CRAMP1: variants seen among roughly 807,000 people sequenced by gnomAD.
CRAMP1 encodes the protein protein cramped-like.
Under a neutral mutation model 115.4 loss-of-function variants are expected in CRAMP1, and 50 were observed. The observed-to-expected ratio is 0.43, with a 90% CI of 0.35 to 0.55. CRAMP1 has a LOEUF of 0.55. Among genes scored for constraint, CRAMP1 ranks in the 20% least tolerant of loss-of-function variants. The pLI, the probability that CRAMP1 is intolerant of heterozygous loss-of-function variation, is 0.01. For synonymous variants in CRAMP1, 866 were observed against 745.4 expected, an observed-to-expected ratio of 1.16 and a Z score of -2.64; for missense variants, 1,679 against 1,721.7, an observed-to-expected ratio of 0.98 and a Z score of 0.44.
At chr16:1,623,036 A>G (rs1396265406) in intron 2 of CRAMP1, among the ~76,000 whole-genome samples, 1 of 151,540 alleles carries the variant, frequency 6.6e-6, no homozygotes, top group Non-Finnish European at 1.5e-5. Context: ...AGCTGTGATT[A>G]CAGGCGCCCA....
chr16:1,651,650 TCACA>T (rs142007655), intron 6 of CRAMP1, among the ~76,000 whole-genome samples: 1 of 137,712 alleles, frequency 7.3e-6, no homozygotes, highest in Admixed American at 7.2e-5. Context: ...TGGATTGAAG[TCACA>T]CAGAGGTAAC....
intron 6 of CRAMP1, chr16:1,647,070 A>G (rs1159703898): frequency 1.4e-6 from 1 of 702,880 alleles, no homozygotes; most frequent in Non-Finnish European, 2.6e-6. Flanking sequence ...GAGATTGGGA[A>G]AATGACTGAG....
chr16:1,624,979 AG>A (rs1029658396), intron 2 of CRAMP1, among the ~76,000 whole-genome samples: 3 of 152,154 alleles, frequency 2.0e-5, no homozygotes, highest in African/African-American at 7.2e-5. Flanking sequence ...CACCCGCCTC[AG>A]CCTCCCAAAG....
At chr16:1,643,882 G>T (rs187846046) in intron 6 of CRAMP1, among the ~76,000 whole-genome samples, 16 of 152,386 alleles carry the variant, frequency 1.0e-4, no homozygotes, top group African/African-American at 2.9e-4. Flanking sequence ...TGCTCCTGCA[G>T]TGGAGGGGCT....
chr16:1,645,750 C>A (rs1041637115), intron 6 of CRAMP1, among the ~76,000 whole-genome samples: 1 of 152,216 alleles, frequency 6.6e-6, no homozygotes, highest in Non-Finnish European at 1.5e-5. Flanking sequence ...TCTAGTCTCC[C>A]GCTCTCTCTA....
chr16:1,644,784 A>G (rs2036659741), intron 6 of CRAMP1, among the ~76,000 whole-genome samples: 1 of 152,160 alleles, frequency 6.6e-6, no homozygotes, highest in African/African-American at 2.4e-5. Context: ...CGTTCTGGGT[A>G]AAACTGTGCC....
chr16:1,656,696 G>C lies in CRAMP1; in HGVS notation c.1939G>C (p.Ala647Pro). The C allele has an allele frequency of 6.4e-7, 1 of 1,560,924 alleles. No individual in the cohort carries two copies. The highest frequency in any genetic ancestry group is 1.4e-5 in the African/African-American group (1 of 73,588). Reference protein sequence around the residue: ...AEELQEKGSPAGPPPSQGQPA... With the variant: ...AEELQEKGSPPGPPPSQGQPA... ...GGAGCTCCAGGAGAAGGGGAGCCCCGCGGGGCCTCCGCCGTCTCAGGGACA... is the reference window on the plus strand; with the variant it reads ...GGAGCTCCAGGAGAAGGGGAGCCCCCCGGGGCCTCCGCCGTCTCAGGGACA... Residue 647 changes from alanine to proline, a missense_variant, in exon 10 of 21, where the codon GCG becomes CCG. Coordinates refer to ENST00000397412, the MANE Select transcript of CRAMP1 (RefSeq NM_020825.4). This position sits in a 1 kb window ranked among gnomAD's most constrained non-coding sequence, Gnocchi z 5.6.
chr16:1,660,451 T>G (rs1414162550), intron 11 of CRAMP1, among the ~76,000 whole-genome samples: 1 of 152,178 alleles, frequency 6.6e-6, no homozygotes, highest in African/African-American at 2.4e-5. Flanking sequence ...TAGAGAATCC[T>G]TCAGTTAGGG....
Position 1,675,957 on chromosome 16 carries a change from C to T in CRAMP1, c.*1912C>T, listed in dbSNP as rs369807956. On this transcript the variant is annotated 3_prime_UTR_variant, in exon 21 of 21. Coordinates refer to ENST00000397412, the MANE Select transcript of CRAMP1 (RefSeq NM_020825.4). ...ATTGAGCCAGAGAAGACAAGGAGAT[C>T]TCCCTCTGGGCATCTGGCTTTGCTG... is the stretch of plus-strand genomic sequence containing the variant. 2 of 152,250 alleles carry T rather than the reference C, an allele frequency of 1.3e-5. No individual in the cohort carries two copies. The highest frequency in any genetic ancestry group is 4.1e-4 in the South Asian group (2 of 4,834). 9.4% of individuals were successfully genotyped at this position (152,250 alleles called of 1,614,324 possible).
rs1463414865 is a variant in CRAMP1 at position 1,675,543 on chromosome 16, GAGA to G, written c.*1501_*1503del. 6.6e-6 allele frequency: 1 copy of G among 152,642 alleles called. No individual in the cohort carries two copies. The highest frequency in any genetic ancestry group is 1.5e-5 in the Non-Finnish European group (1 of 68,250). The allele number at this position is 152,642 out of a possible 1,614,324, so 9.5% of individuals were successfully genotyped here. On this transcript the variant is annotated 3_prime_UTR_variant, in exon 21 of 21. Transcript: ENST00000397412. ...ACTGCTTCTCTCCCCATCCACAATGGAGAAGGTGAAAAGAGGAGGGAAAGGCCT... is the reference window on the plus strand; with the variant it reads ...ACTGCTTCTCTCCCCATCCACAATGGAGGTGAAAAGAGGAGGGAAAGGCCT...
intron 2 of CRAMP1, among the ~76,000 whole-genome samples, chr16:1,619,711 C>A (rs928506810): frequency 1.3e-5 from 2 of 152,106 alleles, no homozygotes; most frequent in Admixed American, 1.3e-4. Context: ...AGAGAGACAG[C>A]GCTGGTCAGA....
intron 6 of CRAMP1, among the ~76,000 whole-genome samples, chr16:1,646,477 C>G (rs958944859): frequency 2.0e-5 from 3 of 152,196 alleles, no homozygotes; most frequent in African/African-American, 2.4e-5. Flanking sequence ...GAGTGTCTTT[C>G]TCGTGCTTAT....
At chr16:1,629,877 C>T (rs1596484599) in intron 3 of CRAMP1, among the ~76,000 whole-genome samples, 1 of 152,164 alleles carries the variant, frequency 6.6e-6, no homozygotes, top group East Asian at 1.9e-4. Context: ...CCCCACCCGC[C>T]AGCCCACAGC....
intron 2 of CRAMP1, chr16:1,625,607 A>G: frequency 5.9e-6 from 1 of 170,462 alleles, no homozygotes; most frequent in Non-Finnish European, 1.2e-5. Context: ...AACCTCATTT[A>G]CAAAAGAAAT....
rs762402297 is a variant in CRAMP1 at position 1,667,979 on chromosome 16, C to T, written c.3120C>T (p.Ser1040=). ...CCCAGCAGGGCTCATCTGTTCTCTC[C>T]TTATCTGAGCTGCCCAAGGCCCCTC... ...ADSFQGSSVL[S]LSELPKAPLQ... Residue 1040 remains serine, a synonymous_variant, in exon 18 of 21, where the codon TCC becomes TCT. Transcript: ENST00000397412. The T allele has an allele frequency of 1.9e-6, 3 of 1,610,654 alleles. No individual in the cohort carries two copies. The highest frequency in any genetic ancestry group is 8.5e-7 in the Non-Finnish European group (1 of 1,178,140).
intron 10 of CRAMP1, among the ~76,000 whole-genome samples, chr16:1,658,930 G>A (rs1022527298): frequency 6.6e-6 from 1 of 152,138 alleles, no homozygotes; most frequent in African/African-American, 2.4e-5. Flanking sequence ...AGAGGCTGGG[G>A]TGCTGGCCGA....
rs1237328124 is a variant in CRAMP1 at position 1,656,460 on chromosome 16, G to C, written c.1703G>C (p.Cys568Ser). The part of the protein sequence containing the change: ...LDPLPRYLKS[C>S]QDLIVPEQCR... Reference sequence around the variant, plus strand: ...CCCTTGCCCCGCTACCTAAAGTCCTGTCAGGACCTCATTGTCCCCGAGCAG... The same window carrying C: ...CCCTTGCCCCGCTACCTAAAGTCCTCTCAGGACCTCATTGTCCCCGAGCAG... The change falls in exon 10 of 21, where the codon TGT becomes TCT. Residue 568 changes from cysteine to serine, a missense_variant. By Grantham distance (112) the Cys-to-Ser change is moderately radical. Transcript: ENST00000397412. This position sits in a 1 kb window ranked among gnomAD's most constrained non-coding sequence, Gnocchi z 5.6. 2.5e-6 allele frequency: 4 copies of C among 1,582,180 alleles called. No individual in the cohort carries two copies. Among genetic ancestry groups the C allele is most frequent in the East Asian group, 2.3e-5 (1 of 42,842 alleles).
intron 8 of CRAMP1, 51 bp downstream of exon 8, chr16:1,653,207 G>A (rs2036739504): frequency 1.9e-6 from 3 of 1,578,106 alleles, no homozygotes; most frequent in Non-Finnish European, 2.6e-6. Context: ...GAGCAGGACT[G>A]GAAGCAACGT....
chr16:1,626,049 C>T lies in CRAMP1; in HGVS notation c.423C>T (p.Ser141=). The part of the protein sequence containing the change: ...APAAPAGGSR[S]SSRNLGSSGG... Reference sequence around the variant, plus strand: ...CTGCCCCTGCAGGGGGCTCGCGCTCCTCCTCCCGGAACTTAGGGTCTTCTG... The same window carrying T: ...CTGCCCCTGCAGGGGGCTCGCGCTCTTCCTCCCGGAACTTAGGGTCTTCTG... Residue 141 remains serine (S), a synonymous_variant, in exon 3 of 21, where the codon TCC becomes TCT. Coordinates refer to ENST00000397412, the MANE Select transcript of CRAMP1 (RefSeq NM_020825.4). 1 of 1,551,636 alleles carries T rather than the reference C, an allele frequency of 6.4e-7. No individual in the cohort carries two copies. The highest frequency in any genetic ancestry group is 8.7e-7 in the Non-Finnish European group (1 of 1,146,966).
Sources: gnomAD v4.1 joint callset for allele counts (sites outside exome capture counted in the v4.1 genomes callset) on GRCh38, gnomAD v4.1.1 for gene constraint, Gnocchi (gnomAD v3.1) non-coding constraint, MANE v1.5 for transcripts, NCBI Gene and HGNC (gene_info 2026-07-23, HGNC 2026-07-21) for gene names.